Variants in ABCA12 observed in about 807,000 individuals in gnomAD.
The protein encoded by ABCA12 is ATP binding cassette subfamily A member 12, also known as glucosylceramide transporter ABCA12.
A neutral mutation model predicts 293.5 loss-of-function variants in ABCA12; 156 were observed. The ratio of observed to expected loss-of-function variants is 0.53; its 90% CI spans 0.47 to 0.61. The LOEUF (loss-of-function observed/expected upper bound fraction) is 0.61. ABCA12 is among the 20% of genes least tolerant of loss of function. The probability of loss-of-function intolerance (pLI) is 0.00; values close to 1 mark genes in which losing one functional copy is unlikely to be tolerated. For missense variants in ABCA12, 2,797 were observed against 3,090.2 expected (o/e 0.91, Z 2.25); for synonymous variants, 1,063 against 1,108.0 (o/e 0.96, Z 0.81).
At chr2:215,128,193 T>G (rs145258032) in intron 1 of ABCA12, among the ~76,000 whole-genome samples, 5 of 152,222 alleles carry the variant, frequency 3.3e-5, no homozygotes, top group Non-Finnish European at 7.3e-5. Context: ...TTTTCCTTTA[T>G]AGGTTACCTG....
intron 2 of ABCA12, among the ~76,000 whole-genome samples, chr2:215,108,744 T>A (rs1042573488): frequency 4.6e-5 from 7 of 152,146 alleles, no homozygotes; most frequent in East Asian, 1.9e-4. Flanking sequence ...AAATCCAAAC[T>A]GTCATCTCAA....
chr2:215,098,037 AAGTCAAG>A lies in ABCA12; in HGVS notation c.163+13553_163+13559del, dbSNP rs1702282652. Among the ~76,000 whole-genome samples, 5 of 152,316 alleles carry A rather than the reference AAGTCAAG, an allele frequency of 3.3e-5. No individual in the cohort carries two copies. The South Asian group carries it at 1.0e-3, about 32-fold the overall frequency. On this transcript the variant is annotated intron_variant, in intron 2 of 52. Transcript: ENST00000272895. ...AAAGCTAACAGGATTCAGTGGAGGT[AAGTCAAG>A]TTTTCACAGGAGTTAGGTTCAATTT...
intron 39 of ABCA12, chr2:214,962,465 C>T (rs766599710): frequency 1.2e-4 from 18 of 152,184 alleles, no homozygotes; most frequent in South Asian, 1.0e-3. Context: ...CAATGAATGG[C>T]AATGCTTTTG....
chr2:215,037,773 T>A (rs554708282), intron 7 of ABCA12, among the ~76,000 whole-genome samples: 13 of 152,206 alleles, frequency 8.5e-5, no homozygotes, highest in Non-Finnish European at 1.8e-4. Context: ...AACATGTCTT[T>A]TAGTTCCTTT....
At chr2:214,970,199 CTATT>C (rs769813934) in intron 37 of ABCA12, 70 bp downstream of exon 37, 259 of 1,433,970 alleles carry the variant, frequency 1.8e-4, no homozygotes, top group Non-Finnish European at 2.3e-4. Context: ...AAATTTGTAT[CTATT>C]GTCTCTTTAG....
Position 215,075,332 on chromosome 2 carries a change from A to AT in ABCA12, c.164-11114dup, listed in dbSNP as rs145213430. ...AGTTGTTAGGAGTTAATCAGAGAAA[A>AT]TGCCCTTTTCAACTTCTTCCCCAAA... On this transcript the variant is annotated intron_variant, in intron 2 of 52. Coordinates refer to ENST00000272895, the MANE Select transcript of ABCA12 (RefSeq NM_173076.3). 5.3e-3 allele frequency among the ~76,000 whole-genome samples: 806 copies of AT among 152,266 alleles called. 15 individuals carry two copies. The highest frequency in any genetic ancestry group is 0.019 in the African/African-American group (783 of 41,556).
chr2:214,979,914 C>T (rs1172077641), intron 31 of ABCA12, among the ~76,000 whole-genome samples: 1 of 152,100 alleles, frequency 6.6e-6, no homozygotes, highest in African/African-American at 2.4e-5. Flanking sequence ...ATCATATGTT[C>T]TGTTAGGTGG....
intron 6 of ABCA12, among the ~76,000 whole-genome samples, chr2:215,047,230 CATTAA>C (rs1286473581): frequency 6.6e-6 from 1 of 152,182 alleles, no homozygotes; most frequent in Non-Finnish European, 1.5e-5. Flanking sequence ...TGGAACTTAA[CATTAA>C]ATTAAATTTG....
rs544877714 is a variant in ABCA12, at chr2:214,950,141, T to C, written c.6852+738A>G. The stretch of plus-strand genomic sequence containing the variant: ...TACATAGCATTTACATTGCATTGGG[T>C]ATTATAAGTAATCTAGAGATGATTT... On this transcript the variant is annotated intron_variant, in intron 45 of 52. Transcript: ENST00000272895. Among the ~76,000 whole-genome samples the C allele has an allele frequency of 4.6e-5, 7 of 152,240 alleles. No individual in the cohort carries two copies. In the South Asian group the frequency reaches 1.5e-3, roughly 32 times the overall value.
At position 214,932,357 on chromosome 2, in the gene ABCA12, A is replaced by G; in HGVS notation, c.*277T>C. ...GTAATAAATTAAGATATTCATCTTG[A>G]GGTGGCTTCACCTTTGCATAAGAAT... On this transcript the variant is annotated 3_prime_UTR_variant, in exon 53 of 53. Transcript: ENST00000272895. 2.6e-6 allele frequency: 1 copy of G among 384,288 alleles called. No homozygotes were observed. Among genetic ancestry groups the G allele is most frequent in the East Asian group, 5.2e-5 (1 of 19,398 alleles). The allele number at this position is 384,288 out of a possible 1,614,324, so 23.8% of individuals were successfully genotyped here.
In ABCA12 at chr2:215,033,140, C is replaced by T. The variant is rs138021596; in HGVS notation, c.986-1244G>A. Among the ~76,000 whole-genome samples the T allele has an allele frequency of 1.0e-3, 157 of 152,248 alleles. No individual in the cohort carries two copies. The Middle Eastern group carries it at 0.017, about 16-fold the overall frequency. Reference sequence around the variant, plus strand: ...TTCACGATGCAGCTGAATATTATTGCTCTAATAACAGTAATGCATCAGTGA... The same window carrying T: ...TTCACGATGCAGCTGAATATTATTGTTCTAATAACAGTAATGCATCAGTGA... On this transcript the variant is annotated intron_variant, in intron 8 of 52. Transcript: ENST00000272895.
chr2:215,044,884 G>A (rs923377992), intron 7 of ABCA12, among the ~76,000 whole-genome samples: 2 of 152,076 alleles, frequency 1.3e-5, no homozygotes, highest in African/African-American at 4.8e-5. Context: ...AATCTCTTCT[G>A]ATGCTCTAGA....
intron 47 of ABCA12, 82 bp downstream of exon 47, chr2:214,948,514 G>GA: frequency 7.0e-7 from 1 of 1,428,670 alleles, no homozygotes; most frequent in African/African-American, 1.5e-5. Context: ...GGGCAGGGGG[G>GA]ACAGTGGGTG....
Position 215,005,581 on chromosome 2 carries a change from A to T in ABCA12, c.2593-1282T>A, listed in dbSNP as rs1343847155. Among the ~76,000 whole-genome samples the T allele has an allele frequency of 3.9e-5, 6 of 152,234 alleles. No homozygotes were observed. In the East Asian group the frequency reaches 1.2e-3, roughly 29 times the overall value. On this transcript the variant is annotated intron_variant, in intron 19 of 52. Transcript: ENST00000272895. ...AACAGTCCTTTAAGATCGGTTTATCAGGAATTAGCTTCTGCATCTTGGAAA... is the reference window on the plus strand; with the variant it reads ...AACAGTCCTTTAAGATCGGTTTATCTGGAATTAGCTTCTGCATCTTGGAAA...
intron 34 of ABCA12, 87 bp from the exon 35 acceptor site, chr2:214,974,951 G>A (rs1448008052): frequency 2.5e-6 from 3 of 1,203,858 alleles, no homozygotes; most frequent in Non-Finnish European, 3.7e-6. Flanking sequence ...GAAATGTGCT[G>A]TATATAGAAG....
intron 1 of ABCA12, among the ~76,000 whole-genome samples, chr2:215,129,023 G>A (rs1377220916): frequency 6.6e-6 from 1 of 152,126 alleles, no homozygotes; most frequent in Non-Finnish European, 1.5e-5. Flanking sequence ...CTTTTCCTGT[G>A]GATGTGGCTT....
In ABCA12 at chr2:214,970,344, T is replaced by C; in HGVS notation, c.5619A>G (p.Val1873=). The C allele has an allele frequency of 2.5e-6, 4 of 1,613,280 alleles. No homozygotes were observed. Among genetic ancestry groups the C allele is most frequent in the Non-Finnish European group, 3.4e-6 (4 of 1,179,400 alleles). ...CTCGTTGCCCAGTGAGGTTATAAAT[T>C]ACCTGGGATGAGTAAGTTCTTCTGT... The part of the protein sequence containing the change: ...PPHRRTYSSQ[V]IYNLTGQRVE... Residue 1873 remains valine (V), a synonymous_variant, in exon 37 of 53, where the codon GTA becomes GTG. Coordinates refer to ENST00000272895, the MANE Select transcript of ABCA12 (RefSeq NM_173076.3).
chr2:215,080,918 TC>T (rs1250265208), intron 2 of ABCA12: 3 of 152,214 alleles, frequency 2.0e-5, no homozygotes, highest in African/African-American at 7.2e-5. Flanking sequence ...CCCTCTTTCC[TC>T]CCCCTCAGAA....
At chr2:215,108,551 T>G (rs2106124586) in intron 2 of ABCA12, among the ~76,000 whole-genome samples, 1 of 152,304 alleles carries the variant, frequency 6.6e-6, no homozygotes, top group Admixed American at 6.5e-5. Flanking sequence ...TGTGCATTAG[T>G]TTTCTCAACT....
Sources: gnomAD v4.1 joint callset for allele counts (sites outside exome capture counted in the v4.1 genomes callset) on GRCh38, gnomAD v4.1.1 for gene constraint, MANE v1.5 for transcripts, NCBI Gene and HGNC (gene_info 2026-07-23, HGNC 2026-07-21) for gene names.